The following ERC1 variants were observed in gnomAD, a reference collection of about 807,000 sequenced individuals.
ERC1 encodes ELKS/RAB6-interacting/CAST family member 1, also known as RAB6 interacting protein 2.
A neutral mutation model predicts 132.0 loss-of-function variants in ERC1; 56 were observed. The ratio of observed to expected loss-of-function variants is 0.42; its 90% confidence interval spans 0.34 to 0.53. ERC1 has a LOEUF of 0.53. ERC1 is among the 20% of genes least tolerant of loss of function. ERC1 has a pLI of 0.03. For synonymous variants in ERC1, 478 were observed against 476.1 expected (o/e 1.00, Z -0.05); for missense variants, 1,202 against 1,349.9 (o/e 0.89, Z 1.72).
intron 16 of ERC1, among the ~76,000 whole-genome samples, chr12:1,391,916 C>A (rs1447856358): frequency 1.3e-5 from 2 of 152,182 alleles, no homozygotes; most frequent in Admixed American, 6.5e-5. Flanking sequence ...CAGGGAGCTG[C>A]AGGTCACAGC....
chr12:1,285,485 A>G (rs1031972513), intron 14 of ERC1, among the ~76,000 whole-genome samples: 4 of 152,206 alleles, frequency 2.6e-5, no homozygotes, highest in African/African-American at 9.6e-5. Flanking sequence ...TTATTTTAGA[A>G]TGATAGAGGG....
chr12:1,385,804 G>T (rs1475153385), intron 16 of ERC1: 1 of 152,134 alleles, frequency 6.6e-6, no homozygotes, highest in Non-Finnish European at 1.5e-5. Flanking sequence ...GCTGTGCACT[G>T]AAGTAACTAT....
rs1266261574 is a variant in ERC1, at chr12:1,438,951, A to AT, written c.3025-5611_3025-5610insT. Reference sequence around the variant, plus strand: ...AGCGAGACCTTGTCTCAATTTAAAAAAAAATATATATATATATATAAAAAA... The same window carrying AT: ...AGCGAGACCTTGTCTCAATTTAAAAATAAAATATATATATATATATAAAAAA... On this transcript the variant is annotated intron_variant, in intron 17 of 18. Transcript: ENST00000360905. 1.9e-3 allele frequency among the ~76,000 whole-genome samples: 251 copies of AT among 129,570 alleles called. 1 individual carries two copies. The highest frequency in any genetic ancestry group is 6.8e-3 in the African/African-American group (200 of 29,464). 85.0% of individuals were successfully genotyped at this position (129,570 alleles called of 152,430 possible).
intron 2 of ERC1, among the ~76,000 whole-genome samples, chr12:1,046,971 G>A (rs1347648911): frequency 6.6e-6 from 1 of 152,186 alleles, no homozygotes; most frequent in Admixed American, 6.5e-5. Flanking sequence ...TTATTCTATA[G>A]TTGCCTGAAG....
intron 18 of ERC1, among the ~76,000 whole-genome samples, chr12:1,476,138 C>G (rs2093968511): frequency 6.6e-6 from 1 of 151,872 alleles, no homozygotes; most frequent in African/African-American, 2.4e-5. Flanking sequence ...CACCTGTGGT[C>G]CCAGCTACTC....
At chr12:1,465,655 G>T (rs1467808017) in intron 18 of ERC1, among the ~76,000 whole-genome samples, 1 of 152,228 alleles carries the variant, frequency 6.6e-6, no homozygotes, top group East Asian at 1.9e-4. Flanking sequence ...AGACATTGCT[G>T]CCATTCTCCA....
intron 17 of ERC1, among the ~76,000 whole-genome samples, chr12:1,414,520 G>T (rs12822900): frequency 6.6e-6 from 1 of 152,130 alleles, no homozygotes; most frequent in Non-Finnish European, 1.5e-5. Flanking sequence ...ACAAACATTC[G>T]ATTGATAGCA....
intron 17 of ERC1, among the ~76,000 whole-genome samples, chr12:1,434,655 C>G (rs529158542): frequency 6.6e-6 from 1 of 152,132 alleles, no homozygotes; most frequent in Non-Finnish European, 1.5e-5. Context: ...ATCCTGTGTT[C>G]GGAGCAGAGG....
In ERC1 at chr12:1,395,299, T is replaced by C. The variant is rs184677944; in HGVS notation, c.2926-12850T>C. On this transcript the variant is annotated intron_variant, in intron 16 of 18. Coordinates refer to ENST00000360905, the MANE Select transcript of ERC1 (RefSeq NM_178040.4). ...TGACCAACTTTTAGGAATGGCTTTT[T>C]AGATCTGACTGTTACTTTTTCACCA... Among the ~76,000 whole-genome samples the C allele has an allele frequency of 2.4e-3, 371 of 152,380 alleles. 2 individuals are homozygous for C. The highest frequency in any genetic ancestry group is 3.8e-3 in the Non-Finnish European group (258 of 68,036).
chr12:1,430,409 G>C (rs1046116742), intron 17 of ERC1: 1 of 150,824 alleles, frequency 6.6e-6, no homozygotes, highest in African/African-American at 2.4e-5. Context: ...GCAGAGTCTC[G>C]CTCTGTTGCC....
In ERC1 at chr12:1,400,953, T is replaced by TTTG. The variant is rs1477365626; in HGVS notation, c.2926-7196_2926-7195insTTG. On this transcript the variant is annotated intron_variant, in intron 16 of 18. Transcript: ENST00000360905. The stretch of plus-strand genomic sequence containing the variant: ...TTTTTTTTTTTTTTTTTTTTTTTTT[T>TTTG]GTGACGGAGTCTTGCTCTATCGCCC... Among the ~76,000 whole-genome samples, 44 of 90,340 alleles carry TTTG rather than the reference T, an allele frequency of 4.9e-4. 8 individuals carry two copies. Among genetic ancestry groups the TTTG allele is most frequent in the Non-Finnish European group, 5.9e-4 (25 of 42,174 alleles). The allele number at this position is 90,340 out of a possible 152,430, so 59.3% of individuals were successfully genotyped here.
intron 8 of ERC1, among the ~76,000 whole-genome samples, chr12:1,154,600 C>T (rs1401029475): frequency 6.6e-6 from 1 of 151,068 alleles, no homozygotes; most frequent in African/African-American, 2.4e-5. Context: ...TTCTGTACAG[C>T]AAAATAAATA....
intron 8 of ERC1, among the ~76,000 whole-genome samples, chr12:1,164,733 A>G (rs1952231909): frequency 6.6e-6 from 1 of 152,182 alleles, no homozygotes; most frequent in African/African-American, 2.4e-5. Flanking sequence ...GCAGAAGAGT[A>G]TGTGAGATGG....
chr12:1,165,035 A>G (rs1952265437), intron 8 of ERC1, among the ~76,000 whole-genome samples: 2 of 152,176 alleles, frequency 1.3e-5, no homozygotes, highest in Admixed American at 6.5e-5. Context: ...ACAACTTAAG[A>G]GTTGTTTTAC....
chr12:1,393,545 A>T (rs1463384683), intron 16 of ERC1, among the ~76,000 whole-genome samples: 1 of 151,800 alleles, frequency 6.6e-6, no homozygotes, highest in African/African-American at 2.4e-5. Flanking sequence ...TTTAAATATC[A>T]AAAAGAACTT....
At chr12:1,468,257 C>CAG (rs3047198) in intron 18 of ERC1, among the ~76,000 whole-genome samples, 38,564 of 151,982 alleles carry the variant, frequency 0.25, 8,786 homozygotes, top group African/African-American at 0.62. Flanking sequence ...TATGATACGA[C>CAG]AGAAAAGCTG....
rs567168149 is a variant in ERC1 at position 1,020,247 on chromosome 12, A to G, written c.-156-7501A>G. On this transcript the variant is annotated intron_variant, in intron 1 of 18. Transcript: ENST00000360905. ...CAAGGCAGATGGATCGCCTGATATC[A>G]GGAGTTTGAGACCAGCCTGGCCAAT... Among the ~76,000 whole-genome samples, 11 of 152,292 alleles carry G rather than the reference A, an allele frequency of 7.2e-5. No individual in the cohort carries two copies. The East Asian group carries it at 1.5e-3, about 21-fold the overall frequency.
At position 1,355,484 on chromosome 12, in the gene ERC1, G is replaced by A. The variant is rs577186737; in HGVS notation, c.2781-16349G>A. Reference sequence around the variant, plus strand: ...ACCATAAAAAGCTTTTCTAAGTTCTGCAGCAGTGCTGTTATGACCAGTGTT... The same window carrying A: ...ACCATAAAAAGCTTTTCTAAGTTCTACAGCAGTGCTGTTATGACCAGTGTT... On this transcript the variant is annotated intron_variant, in intron 15 of 18. Coordinates refer to ENST00000360905, the MANE Select transcript of ERC1 (RefSeq NM_178040.4). Among the ~76,000 whole-genome samples, 4 of 152,244 alleles carry A rather than the reference G, an allele frequency of 2.6e-5. No homozygotes were observed. The East Asian group carries it at 7.7e-4, about 29-fold the overall frequency.
At chr12:1,468,618 AAG>A (rs770039563) in intron 18 of ERC1, among the ~76,000 whole-genome samples, 4 of 151,760 alleles carry the variant, frequency 2.6e-5, no homozygotes, top group Non-Finnish European at 4.4e-5. Context: ...AAGACAGAAA[AAG>A]AGAGAGAGAG....
Sources: gnomAD v4.1 joint callset for allele counts (sites outside exome capture counted in the v4.1 genomes callset) on GRCh38, gnomAD v4.1.1 for gene constraint, MANE v1.5 for transcripts, NCBI Gene and HGNC (gene_info 2026-07-23, HGNC 2026-07-21) for gene names.